Variants in GAPVD1 observed in about 807,000 individuals in gnomAD.
GAPVD1 encodes GTPase-activating protein and VPS9 domain-containing protein 1.
Under a neutral mutation model 155.5 loss-of-function variants are expected in GAPVD1, and 35 were observed. The observed-to-expected ratio is 0.23, with a 90% CI of 0.17 to 0.30. The LOEUF is 0.30. Among genes scored for constraint, GAPVD1 ranks in the 10% least tolerant of loss-of-function variants. GAPVD1 has a pLI of 1.00. For missense variants in GAPVD1, 1,429 were observed against 1,775.7 expected (o/e 0.80, Z 3.51); for synonymous variants, 636 against 619.7 (o/e 1.03, Z -0.39).
chr9:125,279,628 T>C (rs1836417227), intron 2 of GAPVD1, among the ~76,000 whole-genome samples: 1 of 150,216 alleles, frequency 6.7e-6, no homozygotes, highest in Non-Finnish European at 1.5e-5. Context: ...AGGAAAAGTA[T>C]GTGCACAATA....
At chr9:125,335,470 G>C (rs1411313580) in intron 15 of GAPVD1, among the ~76,000 whole-genome samples, 2 of 152,100 alleles carry the variant, frequency 1.3e-5, no homozygotes, top group African/African-American at 2.4e-5. Flanking sequence ...GAGGTCAGGA[G>C]ATCGAGACCA....
chr9:125,333,080 G>GTT (rs529247215), intron 15 of GAPVD1, among the ~76,000 whole-genome samples: 1 of 148,516 alleles, frequency 6.7e-6, no homozygotes, highest in African/African-American at 2.5e-5. Context: ...TAAAACTTCT[G>GTT]TTTTTTTTTT....
intron 11 of GAPVD1, among the ~76,000 whole-genome samples, chr9:125,325,834 T>A (rs1202756046): frequency 6.6e-6 from 1 of 152,232 alleles, no homozygotes; most frequent in East Asian, 1.9e-4. Context: ...TGGCTTCAGT[T>A]ACCCATGGGC....
At chr9:125,298,658 T>A (rs980887201) in intron 3 of GAPVD1, among the ~76,000 whole-genome samples, 7 of 151,892 alleles carry the variant, frequency 4.6e-5, no homozygotes, top group Admixed American at 4.6e-4. Context: ...CTGGCTAATT[T>A]TTTGTGTTTT....
In GAPVD1 at chr9:125,298,954, T is replaced by C. The variant is rs771430036; in HGVS notation, c.33T>C (p.His11=). MVKLDIHTLA[H]HLKQERLYVN... Reference sequence around the variant, plus strand: ...AACTAGATATTCATACTCTGGCTCATCACCTCAAGCAGGAACGCTTATATG... The same window carrying C: ...AACTAGATATTCATACTCTGGCTCACCACCTCAAGCAGGAACGCTTATATG... Residue 11 remains histidine, a synonymous_variant, in exon 4 of 28, where the codon CAT becomes CAC. Coordinates refer to ENST00000297933, the MANE Select transcript of GAPVD1 (RefSeq NM_001282680.3). 6.2e-7 allele frequency: 1 copy of C among 1,610,250 alleles called. No individual in the cohort carries two copies. The highest frequency in any genetic ancestry group is 1.7e-4 in the Middle Eastern group (1 of 6,048).
rs1233364011 is a variant in GAPVD1, at chr9:125,262,132, C to T, written c.-199+173C>T. 1.4e-4 allele frequency among the ~76,000 whole-genome samples: 22 copies of T among 151,906 alleles called. 1 individual carries two copies. The highest frequency in any genetic ancestry group is 1.4e-3 in the Admixed American group (21 of 15,256). ...GTCGGGCGAGGTGGGGGTCGGGGGACACTGGGTTAGACCCAGGGGAGAGAT... is the reference window on the plus strand; with the variant it reads ...GTCGGGCGAGGTGGGGGTCGGGGGATACTGGGTTAGACCCAGGGGAGAGAT... On this transcript the variant is annotated intron_variant, in intron 1 of 27. Coordinates refer to ENST00000297933, the MANE Select transcript of GAPVD1 (RefSeq NM_001282680.3).
Position 125,337,051 on chromosome 9 carries a change from C to A in GAPVD1, c.2462C>A (p.Ser821Ter). Residue 821 changes from serine to a stop codon, truncating the protein, a stop_gained, in exon 16 of 28, where the codon TCA becomes TAA. Coordinates refer to ENST00000297933, the MANE Select transcript of GAPVD1 (RefSeq NM_001282680.3). LOFTEE classifies it high-confidence loss of function. The stretch of plus-strand genomic sequence containing the variant: ...CAGCTGACCTCTCCTCCTTCTCAGT[C>A]AGAGTCTCTGCTGGCCATGTTTGAT... ...AHQLTSPPSQ[S>*]ESLLAMFDPL... The A allele has an allele frequency of 6.2e-7, 1 of 1,613,174 alleles. No homozygotes were observed. The highest frequency in any genetic ancestry group is 1.1e-5 in the South Asian group (1 of 91,052).
At position 125,337,574 on chromosome 9, in the gene GAPVD1, G is replaced by A; in HGVS notation, c.2860G>A (p.Asp954Asn). 1 of 1,613,718 alleles carries A rather than the reference G, an allele frequency of 6.2e-7. No homozygotes were observed. Among genetic ancestry groups the A allele is most frequent in the Non-Finnish European group, 8.5e-7 (1 of 1,179,840 alleles). Reference sequence around the variant, plus strand: ...TTCATCATCTTCATCCCCGAGTAAGGACTCCTCAAGAGGAGAGGTATGGGA... The same window carrying A: ...TTCATCATCTTCATCCCCGAGTAAGAACTCCTCAAGAGGAGAGGTATGGGA... ...PHSSSSSPSK[D>N]SSRGETEERK... Residue 954 changes from aspartate to asparagine, a missense_variant, in exon 17 of 28, where the codon GAC (aspartate) becomes AAC (asparagine). By Grantham distance (23) the Asp-to-Asn change is conservative. Around this residue, in one of 4 missense-constraint regions of GAPVD1, gnomAD observed 699 missense variants for 826.0 expected, o/e 0.85. Coordinates refer to ENST00000297933, the MANE Select transcript of GAPVD1 (RefSeq NM_001282680.3).
At chr9:125,318,052 C>T (rs574761538) in intron 9 of GAPVD1, among the ~76,000 whole-genome samples, 6 of 152,170 alleles carry the variant, frequency 3.9e-5, no homozygotes, top group Admixed American at 2.6e-4. Flanking sequence ...TTTGGGAGGC[C>T]GCTCTCACTG....
At chr9:125,325,070 C>G (rs1047000223) in intron 11 of GAPVD1, among the ~76,000 whole-genome samples, 1 of 151,688 alleles carries the variant, frequency 6.6e-6, no homozygotes, top group Non-Finnish European at 1.5e-5. Context: ...ACTAAAAATA[C>G]AAAAATTAGC....
chr9:125,301,993 TCCCCTGC>T lies in GAPVD1; in HGVS notation c.197_203del (p.Ser66LeufsTer33). 1 of 1,566,448 alleles carries T rather than the reference TCCCCTGC, an allele frequency of 6.4e-7. No individual in the cohort carries two copies. Among genetic ancestry groups the T allele is most frequent in the Non-Finnish European group, 8.6e-7 (1 of 1,159,534 alleles). The stretch of plus-strand genomic sequence containing the variant: ...TTTTTTTTTTTTTAGTGCTGAAGCT[TCCCCTGC>T]TGAATGTTGCCAACATGCCAAAATT... On this transcript the variant is annotated frameshift_variant, in exon 5 of 28. Transcript: ENST00000297933. LOFTEE classifies it high-confidence loss of function.
rs975974171 is a variant in GAPVD1, at chr9:125,365,588, C to CT, written c.*2846dup. 8.5e-5 allele frequency: 13 copies of CT among 152,148 alleles called. No individual in the cohort carries two copies. Among genetic ancestry groups the CT allele is most frequent in the Non-Finnish European group, 1.5e-4 (10 of 68,040 alleles). 9.4% of individuals were successfully genotyped at this position (152,148 alleles called of 1,614,324 possible). A position where few individuals can be genotyped will look rare whatever the true frequency, so the allele number is the denominator to read the frequency against. On this transcript the variant is annotated 3_prime_UTR_variant, in exon 28 of 28. Transcript: ENST00000297933. ...GTTTGCATTTTGTATTAATATTCTGCTTTTAGAAGTAATAGAAATACAAGT... is the reference window on the plus strand; with the variant it reads ...GTTTGCATTTTGTATTAATATTCTGCTTTTTAGAAGTAATAGAAATACAAGT...
intron 4 of GAPVD1, among the ~76,000 whole-genome samples, chr9:125,299,326 A>G (rs560747313): frequency 6.6e-6 from 1 of 152,312 alleles, no homozygotes; most frequent in Admixed American, 6.5e-5. Context: ...TTGACATTTT[A>G]TATCACACCA....
intron 24 of GAPVD1, among the ~76,000 whole-genome samples, chr9:125,355,196 A>G (rs1379159837): frequency 8.4e-6 from 1 of 118,484 alleles, no homozygotes; most frequent in Non-Finnish European, 1.7e-5. Context: ...GGCTCACTGC[A>G]ACCTCTGTCT....
intron 1 of GAPVD1, 58 bp from the exon 2 acceptor site, chr9:125,268,878 T>A (rs777735408): frequency 6.6e-6 from 1 of 152,082 alleles, no homozygotes; most frequent in Non-Finnish European, 1.5e-5. Context: ...GTAGGTACAT[T>A]CCAGTGATAA....
intron 2 of GAPVD1, among the ~76,000 whole-genome samples, chr9:125,287,453 C>T (rs1837885057): frequency 6.6e-6 from 1 of 151,964 alleles, no homozygotes; most frequent in South Asian, 2.1e-4. Context: ...GGCACAGAGC[C>T]ATGATGGTGC....
intron 19 of GAPVD1, among the ~76,000 whole-genome samples, chr9:125,345,038 C>G (rs569980006): frequency 3.8e-4 from 58 of 152,282 alleles, no homozygotes; most frequent in African/African-American, 1.2e-3. Context: ...CTTGCCCCCC[C>G]ACTTCATACC....
At chr9:125,313,110 G>A (rs1375328900) in intron 9 of GAPVD1, among the ~76,000 whole-genome samples, 1 of 151,800 alleles carries the variant, frequency 6.6e-6, no homozygotes, top group Non-Finnish European at 1.5e-5. Flanking sequence ...GTGAGCCACC[G>A]CGCCTGGCTG....
At position 125,321,499 on chromosome 9, in the gene GAPVD1, G is replaced by C; in HGVS notation, c.1669G>C (p.Gly557Arg). 1 of 1,613,138 alleles carries C rather than the reference G, an allele frequency of 6.2e-7. No homozygotes were observed. The highest frequency in any genetic ancestry group is 1.7e-4 in the Middle Eastern group (1 of 6,056). The change falls in exon 10 of 28, where the codon GGT (glycine) becomes CGT (arginine). Residue 557 changes from glycine (G) to arginine (R), a missense_variant. Physicochemically the swap from Gly to Arg is moderately radical, Grantham distance 125 (BLOSUM62 -2). Around this residue, in one of 4 missense-constraint regions of GAPVD1, gnomAD observed 628 missense variants for 733.4 expected, o/e 0.86. Transcript: ENST00000297933. Reference protein sequence around the residue: ...DVPVDENKLHGKPDKTLRFSL... With the variant: ...DVPVDENKLHRKPDKTLRFSL... ...CCCTGTTGATGAAAACAAACTCCAT[G>C]GTAAACCTGATAAAACCTTGCGCTT...
Sources: gnomAD v4.1 joint callset for allele counts (sites outside exome capture counted in the v4.1 genomes callset) on GRCh38, gnomAD v4.1.1 for gene constraint, gnomAD v4.1.1 regional missense constraint, MANE v1.5 for transcripts, NCBI Gene and HGNC (gene_info 2026-07-23, HGNC 2026-07-21) for gene names.